Variants in DLG2 observed in about 807,000 individuals in gnomAD.
DLG2 encodes the protein disks large homolog 2.
In DLG2, 45 loss-of-function variants were observed where a neutral mutation model predicts 132.5. The ratio of observed to expected loss-of-function variants is 0.34; its 90% CI spans 0.27 to 0.44. The LOEUF (loss-of-function observed/expected upper bound fraction) is 0.44. DLG2 is among the 20% of genes least tolerant of loss of function. The pLI, the probability that DLG2 is intolerant of heterozygous loss-of-function variation, is 1.00. For synonymous variants in DLG2, 424 were observed against 419.6 expected, an observed-to-expected ratio of 1.01 and a Z score of -0.13; for missense variants, 1,045 against 1,196.9, an observed-to-expected ratio of 0.87 and a Z score of 1.87.
chr11:83,875,802 C>T (rs1305511729), intron 15 of DLG2, among the ~76,000 whole-genome samples: 1 of 152,146 alleles, frequency 6.6e-6, no homozygotes, highest in African/African-American at 2.4e-5. Context: ...AAACTACAGG[C>T]TGCAGAGTCT....
chr11:83,965,892 G>A (rs1414370258), intron 12 of DLG2, among the ~76,000 whole-genome samples: 1 of 151,808 alleles, frequency 6.6e-6, no homozygotes. Context: ...ACATTGTTTT[G>A]GAACCTGCTT....
chr11:84,863,793 T>G (rs541257246), intron 6 of DLG2, among the ~76,000 whole-genome samples: 1 of 151,526 alleles, frequency 6.6e-6, no homozygotes, highest in Admixed American at 6.6e-5. Flanking sequence ...TAAAAGAGCA[T>G]GGGATTTGCA....
At chr11:83,645,090 G>A (rs78733022) in intron 18 of DLG2, among the ~76,000 whole-genome samples, 7,559 of 152,052 alleles carry the variant, frequency 0.05, 654 homozygotes, top group African/African-American at 0.17. Flanking sequence ...AATGGAGAAG[G>A]GACATACATT....
At chr11:84,568,752 C>T (rs369638028) in intron 6 of DLG2, among the ~76,000 whole-genome samples, 5 of 152,276 alleles carry the variant, frequency 3.3e-5, no homozygotes, top group East Asian at 3.9e-4. Flanking sequence ...AACAACCTTA[C>T]CCAGGCAGGG....
At chr11:84,965,811 G>A (rs1036534987) in intron 6 of DLG2, among the ~76,000 whole-genome samples, 12 of 152,028 alleles carry the variant, frequency 7.9e-5, no homozygotes, top group South Asian at 6.2e-4. Flanking sequence ...GGAGATCGGC[G>A]CCTAAAAAAG....
chr11:84,687,534 C>G lies in DLG2; in HGVS notation c.358-152803G>C, dbSNP rs189020070. 3.0e-3 allele frequency among the ~76,000 whole-genome samples: 455 copies of G among 152,308 alleles called. 1 individual carries two copies. Among genetic ancestry groups the G allele is most frequent in the Non-Finnish European group, 4.8e-3 (326 of 68,022 alleles). On this transcript the variant is annotated intron_variant, in intron 6 of 27. Transcript: ENST00000376104. ...ATTTACTCTTATTAAAAACACCTGTCTTTCCTCCAGTCTATGCTATGAATT... is the reference window on the plus strand; with the variant it reads ...ATTTACTCTTATTAAAAACACCTGTGTTTCCTCCAGTCTATGCTATGAATT...
At chr11:84,194,971 C>T (rs2154294136) in intron 8 of DLG2, among the ~76,000 whole-genome samples, 1 of 152,278 alleles carries the variant, frequency 6.6e-6, no homozygotes, top group South Asian at 2.1e-4. Context: ...ACCTCTCCCT[C>T]CACACCTCCC....
At chr11:84,125,922 TA>T (rs535885150) in intron 9 of DLG2, among the ~76,000 whole-genome samples, 807 of 152,318 alleles carry the variant, frequency 5.3e-3, no homozygotes, top group Non-Finnish European at 8.2e-3. Flanking sequence ...AAGACTGCTT[TA>T]AATTGGAAGA....
At chr11:84,972,010 G>A (rs2054164692) in intron 6 of DLG2, among the ~76,000 whole-genome samples, 1 of 152,002 alleles carries the variant, frequency 6.6e-6, no homozygotes, top group African/African-American at 2.4e-5. Flanking sequence ...ATGTTTAAGA[G>A]GAAAAAAAGG....
intron 7 of DLG2, among the ~76,000 whole-genome samples, chr11:84,421,772 C>A (rs991801875): frequency 6.6e-6 from 1 of 152,232 alleles, no homozygotes; most frequent in Admixed American, 6.5e-5. Flanking sequence ...CTGCTCTGCT[C>A]AGGCCAAGAT....
chr11:84,555,018 T>C (rs2099409244), intron 6 of DLG2, among the ~76,000 whole-genome samples: 2 of 151,742 alleles, frequency 1.3e-5, no homozygotes, highest in Non-Finnish European at 2.9e-5. Context: ...GAGGGGTGAG[T>C]GAAGCAAACA....
Position 83,793,602 on chromosome 11 carries a change from T to G in DLG2, c.1723-6810A>C, listed in dbSNP as rs375958770. 1.2e-3 allele frequency among the ~76,000 whole-genome samples: 177 copies of G among 152,254 alleles called. 2 individuals are homozygous for G. The highest frequency in any genetic ancestry group is 6.2e-3 in the South Asian group (30 of 4,822). ...TGGAAAAATGGGAAGGAACAAAGGA[T>G]TTGCAGTTAGACAAAACGGGTTAAA... On this transcript the variant is annotated intron_variant, in intron 17 of 27. Transcript: ENST00000376104.
intron 10 of DLG2, among the ~76,000 whole-genome samples, chr11:84,066,479 G>A (rs563041025): frequency 6.9e-4 from 105 of 152,302 alleles, no homozygotes; most frequent in African/African-American, 2.3e-3. Context: ...GGTGTTTGGG[G>A]CCGGGAGCGA....
At chr11:83,894,232 T>C (rs1388494053) in intron 15 of DLG2, among the ~76,000 whole-genome samples, 1 of 152,164 alleles carries the variant, frequency 6.6e-6, no homozygotes, top group Admixed American at 6.5e-5. Context: ...GTATAAGAGT[T>C]ACAAATAGGA....
intron 15 of DLG2, among the ~76,000 whole-genome samples, chr11:83,898,709 C>T (rs1372443217): frequency 6.6e-6 from 1 of 152,072 alleles, no homozygotes; most frequent in African/African-American, 2.4e-5. Context: ...CCAATTACTC[C>T]TACATAGTTG....
intron 6 of DLG2, among the ~76,000 whole-genome samples, chr11:84,922,653 A>T (rs73518971): frequency 0.11 from 17,297 of 152,228 alleles, 1,047 homozygotes; most frequent in African/African-American, 0.14. Flanking sequence ...TACAGTCACT[A>T]GATTTAACCC....
intron 6 of DLG2, among the ~76,000 whole-genome samples, chr11:84,784,627 A>G (rs1450712797): frequency 6.6e-6 from 1 of 152,142 alleles, no homozygotes; most frequent in African/African-American, 2.4e-5. Flanking sequence ...AGATCTACAT[A>G]TAAAGACTCT....
At chr11:83,688,646 C>T (rs895092727) in intron 18 of DLG2, among the ~76,000 whole-genome samples, 4 of 152,114 alleles carry the variant, frequency 2.6e-5, no homozygotes, top group African/African-American at 9.7e-5. Flanking sequence ...TACATATAAA[C>T]ATAAGTATAT....
In DLG2 at chr11:84,502,273, TC is replaced by T. The variant is rs2099215565; in HGVS notation, c.519+32296del. 5.0e-5 allele frequency among the ~76,000 whole-genome samples: 3 copies of T among 59,842 alleles called. 1 individual carries two copies. The highest frequency in any genetic ancestry group is 7.8e-4 in the South Asian group (1 of 1,278). 39.3% of individuals were successfully genotyped at this position (59,842 alleles called of 152,430 possible). The stretch of plus-strand genomic sequence containing the variant: ...TTCCTTCCTTCCTTCCTTCCTTCCT[TC>T]CTTCCTTCTTTCTTTCTTTCTTTCT... On this transcript the variant is annotated intron_variant, in intron 7 of 27. Transcript: ENST00000376104.
Sources: allele counts gnomAD v4.1 joint callset (sites outside exome capture counted in the v4.1 genomes callset), GRCh38; gene constraint gnomAD v4.1.1; transcripts MANE v1.5; gene names NCBI Gene and HGNC (gene_info 2026-07-23, HGNC 2026-07-21).